The following MAPKAPK3 variants were observed in gnomAD, a reference collection of about 807,000 sequenced individuals.
MAPKAPK3 encodes the protein MAPK activated protein kinase 3.
MAPKAPK3 carries 35 observed loss-of-function variants against 49.2 expected under a neutral mutation model. That is an observed-to-expected ratio of 0.71 (90% CI 0.54 to 0.94). MAPKAPK3 has a LOEUF of 0.94. Ranked by LOEUF, MAPKAPK3 falls within the 40% of genes least tolerant of loss-of-function variation. The pLI is 0.00. For synonymous variants in MAPKAPK3, 178 were observed against 188.7 expected (o/e 0.94, Z 0.46); for missense variants, 398 against 493.1 (o/e 0.81, Z 1.83).
intron 2 of MAPKAPK3, among the ~76,000 whole-genome samples, 177 bp from the exon 3 acceptor site, chr3:50,640,189 A>G (rs2033143495): frequency 6.6e-6 from 1 of 152,212 alleles, no homozygotes; most frequent in African/African-American, 2.4e-5. Flanking sequence ...CTGACCCTCA[A>G]GTCCAGAGGC....
At position 50,617,688 on chromosome 3, in the gene MAPKAPK3, C is replaced by A; in HGVS notation, c.123C>A (p.Asp41Glu). The change falls in exon 2 of 11, where the codon GAC (aspartate) becomes GAA (glutamate). Residue 41 changes from aspartate to glutamate, a missense_variant. Around this residue, in one of 5 missense-constraint regions of MAPKAPK3, gnomAD observed 123 missense variants for 117.7 expected, o/e 1.04. Coordinates refer to ENST00000621469, the MANE Select transcript of MAPKAPK3 (RefSeq NM_001243925.2). ...AGCCCAAGAAGTACGCAGTGACCGA[C>A]GACTACCAGTTGTCCAAGCAGGTGC... ...RREPKKYAVT[D>E]DYQLSKQVLG... The A allele has an allele frequency of 6.2e-7, 1 of 1,613,432 alleles. No homozygotes were observed. The highest frequency in any genetic ancestry group is 8.5e-7 in the Non-Finnish European group (1 of 1,179,862).
intron 2 of MAPKAPK3, among the ~76,000 whole-genome samples, chr3:50,632,263 A>G (rs921128609): frequency 3.3e-5 from 5 of 152,206 alleles, no homozygotes; most frequent in Admixed American, 2.6e-4. Flanking sequence ...GCTCCTCTTC[A>G]TGGGGGTAAT....
chr3:50,641,947 A>G (rs1170376181), intron 4 of MAPKAPK3, among the ~76,000 whole-genome samples, 176 bp downstream of exon 4: 1 of 152,160 alleles, frequency 6.6e-6, no homozygotes, highest in Non-Finnish European at 1.5e-5. Context: ...CACTTTGTCG[A>G]ACTTGGACTC....
At chr3:50,618,477 G>A (rs2032528052) in intron 2 of MAPKAPK3, among the ~76,000 whole-genome samples, 3 of 152,092 alleles carry the variant, frequency 2.0e-5, no homozygotes. Context: ...AGGTGGCATG[G>A]TGGGGGTCAG....
At chr3:50,646,475 C>G (rs2033300886) in intron 8 of MAPKAPK3, among the ~76,000 whole-genome samples, 1 of 152,238 alleles carries the variant, frequency 6.6e-6, no homozygotes, top group Admixed American at 6.5e-5. Flanking sequence ...AAAACTCCCT[C>G]TAACTCCTAT....
rs985277461 is a variant in MAPKAPK3, at chr3:50,649,026, G to A, written c.*980G>A. Reference sequence around the variant, plus strand: ...AGACCTGAGGTTGGGGAAGGCGACTGAGCCATGCTCAGAATGTCTGGTCCT... The same window carrying A: ...AGACCTGAGGTTGGGGAAGGCGACTAAGCCATGCTCAGAATGTCTGGTCCT... On this transcript the variant is annotated 3_prime_UTR_variant, in exon 11 of 11. Coordinates refer to ENST00000621469, the MANE Select transcript of MAPKAPK3 (RefSeq NM_001243925.2). 1.3e-5 allele frequency: 2 copies of A among 152,308 alleles called. No individual in the cohort carries two copies. Among genetic ancestry groups the A allele is most frequent in the Non-Finnish European group, 2.9e-5 (2 of 68,090 alleles). The allele number at this position is 152,308 out of a possible 1,614,324, so 9.4% of individuals were successfully genotyped here.
chr3:50,637,809 G>T (rs1331438727), intron 2 of MAPKAPK3, among the ~76,000 whole-genome samples: 2 of 152,076 alleles, frequency 1.3e-5, no homozygotes, highest in African/African-American at 4.8e-5. Context: ...CAACAGAGAG[G>T]ATGAGGCAAG....
intron 2 of MAPKAPK3, among the ~76,000 whole-genome samples, chr3:50,635,459 C>G (rs1035342506): frequency 6.8e-5 from 7 of 103,384 alleles, no homozygotes; most frequent in African/African-American, 7.7e-5. Context: ...ATTCTGTCAT[C>G]TAGGCTGTAG....
In MAPKAPK3 at chr3:50,648,327, T is replaced by G; in HGVS notation, c.*281T>G. ...GCTAGGTTGGCCCGAGTGAGGCCTC[T>G]GTGCTGTCCTGCCCTGGTGCATGGC... On this transcript the variant is annotated 3_prime_UTR_variant, in exon 11 of 11. Transcript: ENST00000621469. 2 of 367,846 alleles carry G rather than the reference T, an allele frequency of 5.4e-6. No homozygotes were observed. The highest frequency in any genetic ancestry group is 1.0e-5 in the Non-Finnish European group (2 of 200,778). 22.8% of individuals were successfully genotyped at this position (367,846 alleles called of 1,614,324 possible). A position where few individuals can be genotyped will look rare whatever the true frequency, so the allele number is the denominator to read the frequency against.
At position 50,645,695 on chromosome 3, in the gene MAPKAPK3, C is replaced by A. The variant is rs753717083; in HGVS notation, c.629-15C>A. 6.2e-7 allele frequency: 1 copy of A among 1,611,956 alleles called. No individual in the cohort carries two copies. The highest frequency in any genetic ancestry group is 8.5e-7 in the Non-Finnish European group (1 of 1,178,196). ...CCTTGGGTCTGAGAGCCCTGCTGTCCCTCTGCCCTGGCAGCCCCTGAGGTC... is the reference window on the plus strand; with the variant it reads ...CCTTGGGTCTGAGAGCCCTGCTGTCACTCTGCCCTGGCAGCCCCTGAGGTC... On this transcript the variant is annotated splice_polypyrimidine_tract_variant and intron_variant, in intron 6 of 10. Transcript: ENST00000621469.
intron 2 of MAPKAPK3, among the ~76,000 whole-genome samples, chr3:50,634,568 A>C (rs1210513619): frequency 6.6e-6 from 1 of 150,820 alleles, no homozygotes; most frequent in Admixed American, 6.6e-5. Context: ...GGCTCACTGC[A>C]ACCTCCACTT....
chr3:50,617,633 G>C lies in MAPKAPK3; in HGVS notation c.68G>C (p.Gly23Ala), dbSNP rs2032504182. The C allele has an allele frequency of 6.2e-7, 1 of 1,608,782 alleles. No individual in the cohort carries two copies. Among genetic ancestry groups the C allele is most frequent in the African/African-American group, 1.3e-5 (1 of 74,882 alleles). The change falls in exon 2 of 11, where the codon GGC (glycine) becomes GCC (alanine). Residue 23 changes from glycine (G) to alanine (A), a missense_variant. Physicochemically the swap from Gly to Ala is moderately conservative, Grantham distance 60. Coordinates refer to ENST00000621469, the MANE Select transcript of MAPKAPK3 (RefSeq NM_001243925.2). ...VPPPVAPGGP[G>A]LGGAPGGRRE... ...CCGCCAGTTGCACCCGGCGGACCCG[G>C]CTTGGGCGGTGCTCCGGGGGGGCGG... is the stretch of plus-strand genomic sequence containing the variant.
At chr3:50,637,693 AAGAGAGAGAG>A (rs34205773) in intron 2 of MAPKAPK3, among the ~76,000 whole-genome samples, 111,938 of 144,926 alleles carry the variant, frequency 0.77, 44,117 homozygotes, top group Middle Eastern at 0.89. Flanking sequence ...CAGAGAGAGA[AAGAGAGAGAG>A]AGAGAGAGAG....
chr3:50,645,398 A>C (rs1481121538), intron 6 of MAPKAPK3, among the ~76,000 whole-genome samples: 1 of 152,018 alleles, frequency 6.6e-6, no homozygotes, highest in Non-Finnish European at 1.5e-5. Context: ...AGACCCTCTC[A>C]CCTACGGTAG....
chr3:50,635,554 G>A (rs1228925346), intron 2 of MAPKAPK3, among the ~76,000 whole-genome samples: 1 of 151,276 alleles, frequency 6.6e-6, no homozygotes, highest in South Asian at 2.1e-4. Flanking sequence ...AGTAGCTGGG[G>A]TTACAGACGC....
intron 2 of MAPKAPK3, among the ~76,000 whole-genome samples, chr3:50,629,416 A>T (rs2032846559): frequency 6.6e-6 from 1 of 152,194 alleles, no homozygotes; most frequent in South Asian, 2.1e-4. Context: ...GTTTTCACCC[A>T]TACCATCATG....
intron 8 of MAPKAPK3, 138 bp from the exon 9 acceptor site, chr3:50,646,602 T>C (rs888944497): frequency 2.6e-6 from 2 of 769,846 alleles, no homozygotes; most frequent in Admixed American, 4.6e-5. Context: ...GAAATAGTTG[T>C]TAGCTCACTC....
intron 2 of MAPKAPK3, among the ~76,000 whole-genome samples, chr3:50,639,871 C>G (rs1287819695): frequency 2.6e-5 from 4 of 152,190 alleles, no homozygotes; most frequent in African/African-American, 9.7e-5. Context: ...GTGAGAATCA[C>G]AAGGGAGGCA....
At position 50,648,147 on chromosome 3, in the gene MAPKAPK3, A is replaced by G; in HGVS notation, c.*101A>G. On this transcript the variant is annotated 3_prime_UTR_variant, in exon 11 of 11. Transcript: ENST00000621469. The stretch of plus-strand genomic sequence containing the variant: ...GGCCCAGGGTCATTCTTTTAACAAA[A>G]GGATTATTTTGTTGTGTTTTAATTT... 1 of 1,212,644 alleles carries G rather than the reference A, an allele frequency of 8.2e-7. No individual in the cohort carries two copies. Among genetic ancestry groups the G allele is most frequent in the Non-Finnish European group, 1.1e-6 (1 of 872,754 alleles). 75.1% of individuals were successfully genotyped at this position (1,212,644 alleles called of 1,614,324 possible).
Sources: gnomAD v4.1 joint callset for allele counts (sites outside exome capture counted in the v4.1 genomes callset) on GRCh38, gnomAD v4.1.1 for gene constraint, gnomAD v4.1.1 regional missense constraint, MANE v1.5 for transcripts, NCBI Gene and HGNC (gene_info 2026-07-23, HGNC 2026-07-21) for gene names.